The following SERAC1 variants were observed in gnomAD, a reference collection of about 807,000 sequenced individuals.
SERAC1 encodes the protein serine active site containing 1, also known as protein SERAC1.
In SERAC1, 36 loss-of-function variants were observed where a neutral mutation model predicts 85.7. The observed-to-expected ratio is 0.42, with a 90% CI of 0.32 to 0.55. The LOEUF (loss-of-function observed/expected upper bound fraction) is 0.55, where lower values mean the gene tolerates loss of function less well. Ranked by LOEUF, SERAC1 falls within the 20% of genes least tolerant of loss-of-function variation. The probability of loss-of-function intolerance (pLI) is 0.11; values close to 1 mark genes in which losing one functional copy is unlikely to be tolerated. For missense variants in SERAC1, 629 were observed against 796.2 expected, an observed-to-expected ratio of 0.79 and a Z score of 2.53; for synonymous variants, 242 against 265.3, an observed-to-expected ratio of 0.91 and a Z score of 0.85.
intron 1 of SERAC1, chr6:158,158,814 C>A (rs1356448192): frequency 6.5e-6 from 1 of 152,930 alleles, no homozygotes; most frequent in Non-Finnish European, 1.5e-5. Flanking sequence ...GTGGACGGTA[C>A]ACTTAGAATC....
chr6:158,111,555 T>C (rs1004528134), intron 16 of SERAC1, 53 bp from the exon 17 acceptor site: 3 of 1,427,994 alleles, frequency 2.1e-6, no homozygotes, highest in African/African-American at 2.9e-5. Flanking sequence ...AGCTTTCCCC[T>C]TGACAATACT....
At chr6:158,124,119 G>C (rs1784481515) in intron 10 of SERAC1, among the ~76,000 whole-genome samples, 1 of 152,138 alleles carries the variant, frequency 6.6e-6, no homozygotes, top group Non-Finnish European at 1.5e-5. Context: ...TGAAGACTTG[G>C]GGTAGACCCA....
At chr6:158,149,685 G>T (rs984260717) in intron 4 of SERAC1, among the ~76,000 whole-genome samples, 8 of 152,186 alleles carry the variant, frequency 5.3e-5, no homozygotes, top group Non-Finnish European at 1.0e-4. Context: ...AACTGAAATT[G>T]TAAACATACC....
rs1481308879 is a variant in SERAC1, at chr6:158,130,437, A to G, written c.788T>C (p.Phe263Ser). ...GGNGLPYAES[F>S]GEVPSATVEM... ...CACTGTTGCTGAAGGAACTTCTCCA[A>G]AACTTTCAGCATAAGGAAGTCCATT... Residue 263 changes from phenylalanine (F) to serine (S), a missense_variant, in exon 9 of 17, where the codon TTT becomes TCT. Coordinates refer to ENST00000647468, the MANE Select transcript of SERAC1 (RefSeq NM_032861.4). 6.2e-7 allele frequency: 1 copy of G among 1,605,122 alleles called. No homozygotes were observed. The highest frequency in any genetic ancestry group is 8.5e-7 in the Non-Finnish European group (1 of 1,177,118).
Position 158,116,185 on chromosome 6 carries a change from C to T in SERAC1, c.1501G>A (p.Gly501Ser). The T allele has an allele frequency of 6.2e-7, 1 of 1,613,130 alleles. No homozygotes were observed. ...TTCACAAAGTTGAAGCCACACTTACCTCCCATGCTATGTGATATCCAAACC... is the reference window on the plus strand; with the variant it reads ...TTCACAAAGTTGAAGCCACACTTACTTCCCATGCTATGTGATATCCAAACC... Reference protein sequence around the residue: ...PVVWISHSMGGLLVKKMLLEA... With the variant: ...PVVWISHSMGSLLVKKMLLEA... Residue 501 changes from glycine (G) to serine (S), a missense_variant and splice_region_variant, in exon 14 of 17, where the codon GGT becomes AGT. Gly to Ser is a moderately conservative substitution (Grantham distance 56). Transcript: ENST00000647468.
chr6:158,116,317 G>A, intron 13 of SERAC1, 35 bp from the exon 14 acceptor site: 1 of 1,532,536 alleles, frequency 6.5e-7, no homozygotes, highest in Non-Finnish European at 9.0e-7. Flanking sequence ...ATGACACAAG[G>A]CTATCGATCC....
rs552467547 is a variant in SERAC1 at position 158,155,962 on chromosome 6, T to C, written c.92-611A>G. On this transcript the variant is annotated intron_variant, in intron 2 of 16. Transcript: ENST00000647468. The stretch of plus-strand genomic sequence containing the variant: ...GAGTTCGAGACCAGCCTGGCCAACA[T>C]GGTGAAATCCCATCTCTACTAAATA... Among the ~76,000 whole-genome samples, 249 of 152,056 alleles carry C rather than the reference T, an allele frequency of 1.6e-3. 1 individual carries two copies. The highest frequency in any genetic ancestry group is 5.7e-3 in the African/African-American group (238 of 41,484).
At chr6:158,121,200 C>T (rs1784414172) in intron 10 of SERAC1, among the ~76,000 whole-genome samples, 1 of 151,958 alleles carries the variant, frequency 6.6e-6, no homozygotes, top group Non-Finnish European at 1.5e-5. Context: ...CACACACATA[C>T]ACAAACACAC....
rs1055157153 is a variant in SERAC1, at chr6:158,109,529, C to T, written c.*1837G>A. 7.2e-5 allele frequency: 11 copies of T among 152,064 alleles called. No homozygotes were observed. Among genetic ancestry groups the T allele is most frequent in the Admixed American group, 2.6e-4 (4 of 15,270 alleles). The allele number at this position is 152,064 out of a possible 1,614,324, so 9.4% of individuals were successfully genotyped here. ...CAATGAAACAATTAATTGTTGATATCGAGTTTATTGATGAGCCATTTACCT... is the reference window on the plus strand; with the variant it reads ...CAATGAAACAATTAATTGTTGATATTGAGTTTATTGATGAGCCATTTACCT... On this transcript the variant is annotated 3_prime_UTR_variant, in exon 17 of 17. Coordinates refer to ENST00000647468, the MANE Select transcript of SERAC1 (RefSeq NM_032861.4).
In SERAC1 at chr6:158,116,289, A is replaced by T; in HGVS notation, c.1404-7T>A. 1 of 1,610,014 alleles carries T rather than the reference A, an allele frequency of 6.2e-7. No individual in the cohort carries two copies. The highest frequency in any genetic ancestry group is 8.5e-7 in the Non-Finnish European group (1 of 1,176,354). On this transcript the variant is annotated splice_polypyrimidine_tract_variant and splice_region_variant and intron_variant, in intron 13 of 16. Coordinates refer to ENST00000647468, the MANE Select transcript of SERAC1 (RefSeq NM_032861.4). ...TCTGAATGCAATGGACTTTCTGAAC[A>T]AAACAAAAACAGCAGGCATGACACA...
At chr6:158,159,895 G>A (rs1405493649) in intron 1 of SERAC1, among the ~76,000 whole-genome samples, 1 of 152,092 alleles carries the variant, frequency 6.6e-6, no homozygotes. Context: ...CGAAGTGCTG[G>A]GATTACAGGC....
chr6:158,140,649 G>A (rs1784894970), intron 8 of SERAC1, among the ~76,000 whole-genome samples: 1 of 152,180 alleles, frequency 6.6e-6, no homozygotes, highest in African/African-American at 2.4e-5. Flanking sequence ...CCAGTTTATG[G>A]CTGGTTGATC....
intron 8 of SERAC1, among the ~76,000 whole-genome samples, chr6:158,132,479 G>A (rs1322632339): frequency 2.6e-5 from 4 of 152,086 alleles, no homozygotes; most frequent in African/African-American, 9.7e-5. Context: ...AAGCTTTGTC[G>A]GGGGGTAGGA....
At chr6:158,149,920 C>T (rs564509779) in intron 4 of SERAC1, among the ~76,000 whole-genome samples, 13 of 152,288 alleles carry the variant, frequency 8.5e-5, no homozygotes, top group African/African-American at 2.9e-4. Context: ...TAAAAGTTCA[C>T]GTTCCCATGC....
chr6:158,147,945 C>G (rs1244101195), intron 5 of SERAC1, among the ~76,000 whole-genome samples: 1 of 152,032 alleles, frequency 6.6e-6, no homozygotes, highest in African/African-American at 2.4e-5. Flanking sequence ...CACAGTTCAA[C>G]CTGCATCTCC....
intron 1 of SERAC1, among the ~76,000 whole-genome samples, chr6:158,167,183 G>A (rs1257392434): frequency 7.1e-6 from 1 of 140,906 alleles, no homozygotes; most frequent in Admixed American, 7.3e-5. Context: ...CTAAATGGAA[G>A]AGCTGGGTTC....
At chr6:158,125,680 A>C (rs561394056) in intron 10 of SERAC1, among the ~76,000 whole-genome samples, 1 of 152,182 alleles carries the variant, frequency 6.6e-6, no homozygotes, top group Non-Finnish European at 1.5e-5. Context: ...CCTGGGCAAC[A>C]CAGCAAGACC....
chr6:158,155,617 C>A (rs1785311439), intron 2 of SERAC1, among the ~76,000 whole-genome samples: 1 of 152,136 alleles, frequency 6.6e-6, no homozygotes, highest in African/African-American at 2.4e-5. Flanking sequence ...TGTTCCACTA[C>A]TGATGCTAGT....
chr6:158,131,742 T>G (rs12525665), intron 8 of SERAC1, among the ~76,000 whole-genome samples: 24,146 of 152,002 alleles, frequency 0.16, 2,329 homozygotes, highest in Middle Eastern at 0.29. Flanking sequence ...CCTACAGAGA[T>G]GCTCACACAC....
Sources: allele counts gnomAD v4.1 joint callset (sites outside exome capture counted in the v4.1 genomes callset), GRCh38; gene constraint gnomAD v4.1.1; transcripts MANE v1.5; gene names NCBI Gene and HGNC (gene_info 2026-07-23, HGNC 2026-07-21).